The following LRP6 variants were observed in gnomAD, a reference collection of about 807,000 sequenced individuals.
LRP6 encodes LDL receptor related protein 6.
Under a neutral mutation model 184.1 loss-of-function variants are expected in LRP6, and 43 were observed. The observed-to-expected ratio is 0.23, with a 90% confidence interval of 0.18 to 0.30. LRP6 has a LOEUF of 0.30. LRP6 is among the 10% of genes least tolerant of loss of function. The pLI is 1.00. For missense variants in LRP6, 1,571 were observed against 2,005.3 expected (o/e 0.78, Z 4.14); for synonymous variants, 719 against 684.9 (o/e 1.05, Z -0.78).
At chr12:12,136,310 C>A (rs1038015454) in intron 16 of LRP6, among the ~76,000 whole-genome samples, 2 of 152,076 alleles carry the variant, frequency 1.3e-5, no homozygotes, top group Admixed American at 6.5e-5. Flanking sequence ...ATCTGAAAGA[C>A]AACTTCAGTC....
intron 2 of LRP6, among the ~76,000 whole-genome samples, chr12:12,240,318 A>C (rs1417060965): frequency 1.3e-5 from 2 of 152,350 alleles, no homozygotes; most frequent in East Asian, 3.9e-4. Flanking sequence ...TCACGCCTGT[A>C]ATGCCAGCAC....
chr12:12,160,133 A>C (rs947386512), intron 10 of LRP6, among the ~76,000 whole-genome samples, 169 bp from the exon 11 acceptor site: 2 of 152,200 alleles, frequency 1.3e-5, no homozygotes, highest in African/African-American at 4.8e-5. Context: ...TGGCACCCTA[A>C]ACTAAATATT....
At chr12:12,188,157 G>A in intron 3 of LRP6, among the ~76,000 whole-genome samples, 1 of 149,734 alleles carries the variant, frequency 6.7e-6, no homozygotes, top group Non-Finnish European at 1.5e-5. Flanking sequence ...GTTGCAGTGA[G>A]CCGAGATCGC....
At chr12:12,186,169 A>T (rs1328272562) in intron 4 of LRP6, among the ~76,000 whole-genome samples, 1 of 151,972 alleles carries the variant, frequency 6.6e-6, no homozygotes, top group African/African-American at 2.4e-5. Flanking sequence ...TTTTAAACAC[A>T]CTCACATCAA....
intron 2 of LRP6, among the ~76,000 whole-genome samples, chr12:12,240,612 T>C (rs1277189357): frequency 4.6e-5 from 7 of 151,982 alleles, no homozygotes; most frequent in Admixed American, 4.6e-4. Context: ...TACATACTTT[T>C]AAAATATAAA....
intron 1 of LRP6, among the ~76,000 whole-genome samples, chr12:12,253,252 A>G (rs1166060980): frequency 6.6e-6 from 1 of 152,220 alleles, no homozygotes; most frequent in African/African-American, 2.4e-5. Context: ...CAACACAGCG[A>G]GACTCTGTCT....
At chr12:12,255,025 A>G (rs919839428) in intron 1 of LRP6, among the ~76,000 whole-genome samples, 1 of 152,170 alleles carries the variant, frequency 6.6e-6, no homozygotes, top group South Asian at 2.1e-4. Flanking sequence ...ATAAATTACT[A>G]TTATTGCTAC....
In LRP6 at chr12:12,181,114, C is replaced by A. The variant is rs1188748708; in HGVS notation, c.1302G>T (p.Gly434=). The A allele has an allele frequency of 1.9e-6, 3 of 1,614,086 alleles. No homozygotes were observed. The highest frequency in any genetic ancestry group is 1.7e-6 in the Non-Finnish European group (2 of 1,179,968). ...CTGAAATCAAGATCTTCCTCATGGT[C>A]CCATTGAGCCTTGTCACTTCTATTC... ...TDRIEVTRLN[G]TMRKILISED... Residue 434 remains glycine (G), a synonymous_variant, in exon 6 of 23, where the codon GGG becomes GGT. Transcript: ENST00000261349.
intron 4 of LRP6, 34 bp downstream of exon 4, chr12:12,186,889 C>T: frequency 6.3e-7 from 1 of 1,588,366 alleles, no homozygotes; most frequent in Non-Finnish European, 8.6e-7. Context: ...CAAAGCTGTT[C>T]CAACTTGCAA....
intron 13 of LRP6, among the ~76,000 whole-genome samples, chr12:12,150,414 T>G (rs1157609880): frequency 6.6e-6 from 1 of 152,212 alleles, no homozygotes; most frequent in Non-Finnish European, 1.5e-5. Context: ...ATTGAGTTCC[T>G]GTTACATAAC....
At chr12:12,167,814 T>C (rs1193058776) in intron 7 of LRP6, among the ~76,000 whole-genome samples, 2 of 152,166 alleles carry the variant, frequency 1.3e-5, no homozygotes, top group African/African-American at 4.8e-5. Flanking sequence ...AACAGCTAAA[T>C]GATTGTATTT....
At chr12:12,127,563 T>G (rs1458488101) in intron 19 of LRP6, among the ~76,000 whole-genome samples, 1 of 152,136 alleles carries the variant, frequency 6.6e-6, no homozygotes, top group Non-Finnish European at 1.5e-5. Context: ...ACCTGATTAC[T>G]GGAGGACTCA....
intron 12 of LRP6, among the ~76,000 whole-genome samples, chr12:12,152,346 G>A (rs777789686): frequency 6.6e-6 from 1 of 152,114 alleles, no homozygotes; most frequent in Non-Finnish European, 1.5e-5. Context: ...TAATGCAGTG[G>A]TGCGATCTCG....
chr12:12,183,940 A>C, intron 5 of LRP6, 40 bp downstream of exon 5: 3 of 1,578,008 alleles, frequency 1.9e-6, no homozygotes, highest in Non-Finnish European at 2.6e-6. Flanking sequence ...AAGAATTCCA[A>C]TAGTTATAAA....
chr12:12,167,080 C>T (rs1862897783), intron 7 of LRP6, among the ~76,000 whole-genome samples: 1 of 152,186 alleles, frequency 6.6e-6, no homozygotes, highest in Non-Finnish European at 1.5e-5. Context: ...GCCTAAGTAA[C>T]TCCAGCCTAG....
intron 15 of LRP6, 65 bp from the exon 16 acceptor site, chr12:12,138,599 T>G: frequency 7.0e-7 from 1 of 1,424,296 alleles, no homozygotes; most frequent in Non-Finnish European, 9.9e-7. Flanking sequence ...TTGGTAATTA[T>G]TTACTGACTA....
At position 12,244,327 on chromosome 12, in the gene LRP6, T is replaced by C. The variant is rs753463732; in HGVS notation, c.384A>G (p.Leu128=). 6.2e-7 allele frequency: 1 copy of C among 1,614,156 alleles called. No homozygotes were observed. Among genetic ancestry groups the C allele is most frequent in the African/African-American group, 1.3e-5 (1 of 75,052 alleles). Residue 128 remains leucine, a synonymous_variant, in exon 2 of 23, where the codon TTA becomes TTG. Transcript: ENST00000261349. The part of the protein sequence containing the change: ...RIEVSNLDGS[L]RKVLFWQELD... ...ACTCTTGCCAAAATAAAACTTTTCG[T>C]AAAGATCCATCTAAATTAGAAACTT...
chr12:12,247,026 C>T (rs191464550), intron 1 of LRP6, among the ~76,000 whole-genome samples: 1 of 152,296 alleles, frequency 6.6e-6, no homozygotes, highest in East Asian at 1.9e-4. Context: ...TGTGTATCTG[C>T]TGCAGCTATC....
chr12:12,182,646 C>T (rs1451550195), intron 5 of LRP6, among the ~76,000 whole-genome samples: 1 of 152,148 alleles, frequency 6.6e-6, no homozygotes, highest in Non-Finnish European at 1.5e-5. Flanking sequence ...CAATATCAGC[C>T]CTTTCACTCT....
Sources: gnomAD v4.1 joint callset for allele counts (sites outside exome capture counted in the v4.1 genomes callset) on GRCh38, gnomAD v4.1.1 for gene constraint, MANE v1.5 for transcripts, NCBI Gene and HGNC (gene_info 2026-07-23, HGNC 2026-07-21) for gene names.